The following BAZ2B variants were observed in gnomAD, a reference collection of about 807,000 sequenced individuals.
BAZ2B encodes the protein bromodomain adjacent to zinc finger domain protein 2B.
A neutral mutation model predicts 246.0 loss-of-function variants in BAZ2B; 91 were observed. That is an observed-to-expected ratio of 0.37 (90% CI 0.31 to 0.44). The LOEUF is 0.44. Among genes scored for constraint, BAZ2B ranks in the 20% least tolerant of loss-of-function variants. BAZ2B has a pLI of 1.00. For synonymous variants in BAZ2B, 855 were observed against 860.0 expected (o/e 0.99, Z 0.10); for missense variants, 2,332 against 2,533.7 (o/e 0.92, Z 1.71).
intron 16 of BAZ2B, chr2:159,404,496 A>G (rs888757079): frequency 6.0e-6 from 1 of 167,382 alleles, no homozygotes. Flanking sequence ...CATGTTTAAG[A>G]AAAACAAGCT....
At chr2:159,472,150 T>C (rs182964157) in intron 3 of BAZ2B, among the ~76,000 whole-genome samples, 2 of 152,366 alleles carry the variant, frequency 1.3e-5, no homozygotes, top group East Asian at 1.9e-4. Flanking sequence ...GTGGTTATAG[T>C]TCTCCTTGAA....
At chr2:159,376,310 T>C (rs2061408583) in intron 25 of BAZ2B, among the ~76,000 whole-genome samples, 2 of 152,184 alleles carry the variant, frequency 1.3e-5, no homozygotes, top group South Asian at 4.1e-4. Context: ...TTGTTTTTGA[T>C]GTTTACTTCC....
chr2:159,420,576 T>A (rs562035353), intron 13 of BAZ2B, among the ~76,000 whole-genome samples: 1 of 152,334 alleles, frequency 6.6e-6, no homozygotes, highest in South Asian at 2.1e-4. Context: ...TATGCTTAGA[T>A]GTATAGCTTT....
chr2:159,624,016 C>A, the BAZ2B span, among the ~76,000 whole-genome samples: 1 of 152,166 alleles, frequency 6.6e-6, no homozygotes, highest in African/African-American at 2.4e-5. Flanking sequence ...GGGGGAGGGG[C>A]ATCTGCCATT....
At chr2:159,660,101 C>A in the BAZ2B span, among the ~76,000 whole-genome samples, 11,649 of 152,190 alleles carry the variant, frequency 0.077, 937 homozygotes, top group African/African-American at 0.2. Context: ...ACCCATTAAA[C>A]AATAACTCCC....
At chr2:159,404,348 T>A (rs992601842) in intron 16 of BAZ2B, 2 of 151,822 alleles carry the variant, frequency 1.3e-5, no homozygotes, top group African/African-American at 4.8e-5. Context: ...GAACTCTGGA[T>A]TTGCTAAAAT....
intron 27 of BAZ2B, among the ~76,000 whole-genome samples, chr2:159,359,933 C>G (rs971421208): frequency 6.6e-5 from 10 of 152,220 alleles, no homozygotes; most frequent in African/African-American, 2.4e-4. Flanking sequence ...TCCCAATAAA[C>G]TAGGTATTGA....
At chr2:159,483,966 C>A (rs985507261) in intron 2 of BAZ2B, among the ~76,000 whole-genome samples, 1 of 151,890 alleles carries the variant, frequency 6.6e-6, no homozygotes, top group Non-Finnish European at 1.5e-5. Context: ...TGATTTGATA[C>A]ATTATAGATG....
chr2:159,709,550 T>C, the BAZ2B span, among the ~76,000 whole-genome samples: 2 of 152,190 alleles, frequency 1.3e-5, no homozygotes, highest in African/African-American at 4.8e-5. Context: ...TGTAACAAAA[T>C]ATCCCATGTA....
chr2:159,623,611 CT>C, the BAZ2B span, among the ~76,000 whole-genome samples: 1 of 152,050 alleles, frequency 6.6e-6, no homozygotes, highest in Non-Finnish European at 1.5e-5. Flanking sequence ...TTGTTTCTTT[CT>C]TTTTTTCTTC....
At chr2:159,623,072 A>G in the BAZ2B span, among the ~76,000 whole-genome samples, 1 of 144,012 alleles carries the variant, frequency 6.9e-6, no homozygotes, top group Non-Finnish European at 1.5e-5. Flanking sequence ...AAGGGAAGAG[A>G]AGGGAAGGGA....
At chr2:159,651,992 C>A in the BAZ2B span, among the ~76,000 whole-genome samples, 39 of 152,198 alleles carry the variant, frequency 2.6e-4, 1 homozygote, top group East Asian at 4.6e-3. Flanking sequence ...ATGAATAATA[C>A]TGCTATAAAC....
intron 1 of BAZ2B, among the ~76,000 whole-genome samples, chr2:159,613,377 G>T (rs1695111059): frequency 6.7e-6 from 1 of 148,458 alleles, no homozygotes; most frequent in African/African-American, 2.5e-5. Context: ...ACCCATTCCT[G>T]TTTCTCTCCA....
intron 1 of BAZ2B, among the ~76,000 whole-genome samples, chr2:159,600,165 C>T (rs912183073): frequency 3.9e-5 from 6 of 152,014 alleles, no homozygotes; most frequent in South Asian, 2.1e-4. Flanking sequence ...CTCAAGGATA[C>T]GCACAAGTTA....
chr2:159,510,537 T>G (rs1017910887), intron 2 of BAZ2B, among the ~76,000 whole-genome samples: 22 of 152,148 alleles, frequency 1.4e-4, no homozygotes, highest in African/African-American at 4.1e-4. Flanking sequence ...GGAAATACAC[T>G]AATGATGGTT....
intron 2 of BAZ2B, among the ~76,000 whole-genome samples, chr2:159,518,914 T>G (rs2083732813): frequency 6.6e-6 from 1 of 152,214 alleles, no homozygotes; most frequent in South Asian, 2.1e-4. Context: ...AAGCATTCTC[T>G]AGGACTTAGA....
chr2:159,635,133 G>C, the BAZ2B span, among the ~76,000 whole-genome samples: 2 of 152,182 alleles, frequency 1.3e-5, no homozygotes, highest in African/African-American at 4.8e-5. Flanking sequence ...GGATTCAGCT[G>C]TTTGAGATTT....
chr2:159,426,508 G>C (rs1179267943), intron 13 of BAZ2B, among the ~76,000 whole-genome samples: 1 of 152,012 alleles, frequency 6.6e-6, no homozygotes, highest in African/African-American at 2.4e-5. Context: ...TAAGAATCTG[G>C]TGACAGATTT....
At chr2:159,565,646 G>A (rs566029271) in intron 1 of BAZ2B, among the ~76,000 whole-genome samples, 5 of 152,028 alleles carry the variant, frequency 3.3e-5, no homozygotes, top group East Asian at 1.9e-4. Flanking sequence ...GTGTTGTTGC[G>A]CGCCCCTGTA....
Sources: gnomAD v4.1 joint callset for allele counts (sites outside exome capture counted in the v4.1 genomes callset) on GRCh38, gnomAD v4.1.1 for gene constraint, MANE v1.5 for transcripts, NCBI Gene and HGNC (gene_info 2026-07-23, HGNC 2026-07-21) for gene names.